Variants in TBL3 observed in about 807,000 individuals in gnomAD.
TBL3 encodes the protein transducin beta-like protein 3.
A neutral mutation model predicts 102.7 loss-of-function variants in TBL3; 71 were observed. That is an observed-to-expected ratio of 0.69 (90% CI 0.57 to 0.84). The LOEUF (loss-of-function observed/expected upper bound fraction) is 0.84. TBL3 is among the 40% of genes least tolerant of loss of function. TBL3 has a pLI of 0.00. For missense variants in TBL3, 1,188 were observed against 1,098.5 expected, an observed-to-expected ratio of 1.08 and a Z score of -1.15; for synonymous variants, 578 against 477.7, an observed-to-expected ratio of 1.21 and a Z score of -2.74.
Position 1,974,646 on chromosome 16 carries a change from G to A in TBL3, c.346G>A (p.Ala116Thr). Residue 116 changes from alanine (A) to threonine (T), a missense_variant, in exon 5 of 22, where the codon GCC becomes ACC. Transcript: ENST00000568546. The stretch of plus-strand genomic sequence containing the variant: ...ACACACGGCCCCCGTGGCCACCATG[G>A]CCTTCGACCCCACCTCCACTCTGCT... ...AIHTAPVATM[A>T]FDPTSTLLAT... 7 of 1,609,192 alleles carry A rather than the reference G, an allele frequency of 4.4e-6. No homozygotes were observed. Among genetic ancestry groups the A allele is most frequent in the Non-Finnish European group, 5.9e-6 (7 of 1,176,984 alleles).
chr16:1,975,284 G>C (rs542687367), intron 8 of TBL3, 22 bp downstream of exon 8: 2 of 1,613,882 alleles, frequency 1.2e-6, no homozygotes, highest in South Asian at 2.2e-5. Flanking sequence ...TGGAGGCCAG[G>C]GCTGGTTGAG....
Position 1,975,674 on chromosome 16 carries a change from G to A in TBL3, c.951G>A (p.Leu317=). ...CCGCCACCGCCGACCACAACCTGTTGCTCTACGAGGCTCGCTCCCTGCGGC... is the reference window on the plus strand; with the variant it reads ...CCGCCACCGCCGACCACAACCTGTTACTCTACGAGGCTCGCTCCCTGCGGC... The part of the protein sequence containing the change: ...VLTATADHNL[L]LYEARSLRLQ... The change falls in exon 10 of 22, where the codon TTG becomes TTA. Residue 317 remains leucine (L), a synonymous_variant. Coordinates refer to ENST00000568546, the MANE Select transcript of TBL3 (RefSeq NM_006453.3). The A allele has an allele frequency of 6.2e-7, 1 of 1,610,008 alleles. No individual in the cohort carries two copies.
chr16:1,978,213 C>A lies in TBL3; in HGVS notation c.2127C>A (p.Asp709Glu). The A allele has an allele frequency of 6.2e-7, 1 of 1,612,872 alleles. No individual in the cohort carries two copies. Among genetic ancestry groups the A allele is most frequent in the Non-Finnish European group, 8.5e-7 (1 of 1,179,952 alleles). The change falls in exon 20 of 22, where the codon GAC becomes GAA. Residue 709 changes from aspartate (D) to glutamate (E), a missense_variant. Physicochemically the swap from Asp to Glu is conservative, Grantham distance 45. Coordinates refer to ENST00000568546, the MANE Select transcript of TBL3 (RefSeq NM_006453.3). ...LEATMLRLRR[D>E]QKEALLRFCV... ...CCACCATGCTCCGACTGCGGCGCGA[C>A]CAGAAAGGTTGGCGGCCAGTCAGGG...
chr16:1,980,154 C>T lies in TBL3; in HGVS notation c.*1469C>T. On this transcript the variant is annotated 3_prime_UTR_variant, in exon 22 of 22. Transcript: ENST00000568546. ...GGCCCGCAGCGCGAGAAAGAGGCTG[C>T]TCCTCTGGGGTGGGCAGGATCACCC... 6.2e-7 allele frequency: 1 copy of T among 1,604,698 alleles called. No individual in the cohort carries two copies. Among genetic ancestry groups the T allele is most frequent in the Non-Finnish European group, 8.5e-7 (1 of 1,178,062 alleles).
chr16:1,977,465 T>TGGGGGGGGGG, intron 16 of TBL3, 39 bp downstream of exon 16: 1 of 578,982 alleles, frequency 1.7e-6, no homozygotes, highest in Admixed American at 2.5e-5. Context: ...GAGTGGGGGG[T>TGGGGGGGGGG]GGCGGGGGGA....
Position 1,979,841 on chromosome 16 carries a change from C to T in TBL3, c.*1156C>T, listed in dbSNP as rs200426342. On this transcript the variant is annotated 3_prime_UTR_variant, in exon 22 of 22. Transcript: ENST00000568546. ...TCCCGGCCTTGGCCCGGGGCCGCCT[C>T]CTCCAGGTAGGGCGCTGGAAACCAG... 1.6e-4 allele frequency: 252 copies of T among 1,578,434 alleles called. No individual in the cohort carries two copies. In the African/African-American group the frequency reaches 2.8e-3, roughly 18 times the overall value.
At position 1,974,759 on chromosome 16, in the gene TBL3, G is replaced by A. The variant is rs757304556; in HGVS notation, c.380-4G>A. On this transcript the variant is annotated splice_region_variant and splice_polypyrimidine_tract_variant and intron_variant, in intron 5 of 21. Transcript: ENST00000568546. ...TTCCACCCCCTCACCTTGCTTCCCC[G>A]CAGGTGGCTGTGATGGGGCCGTGCG... is the stretch of plus-strand genomic sequence containing the variant. 33 of 1,612,342 alleles carry A rather than the reference G, an allele frequency of 2.0e-5. No individual in the cohort carries two copies. Among genetic ancestry groups the A allele is most frequent in the African/African-American group, 8.0e-5 (6 of 74,934 alleles).
At chr16:1,976,348 G>A (rs757305801) in intron 13 of TBL3, 34 bp downstream of exon 13, 1 of 1,580,158 alleles carries the variant, frequency 6.3e-7, no homozygotes, top group Non-Finnish European at 8.6e-7. Context: ...GGGGTGTCAG[G>A]GAGGTGGAGG....
In TBL3 at chr16:1,978,780, C is replaced by G. The variant is rs890141807; in HGVS notation, c.*95C>G. The G allele has an allele frequency of 5.6e-6, 8 of 1,440,174 alleles. No individual in the cohort carries two copies. Among genetic ancestry groups the G allele is most frequent in the South Asian group, 2.6e-5 (2 of 76,748 alleles). The allele number at this position is 1,440,174 out of a possible 1,614,324, so 89.2% of individuals were successfully genotyped here. On this transcript the variant is annotated 3_prime_UTR_variant, in exon 22 of 22. Transcript: ENST00000568546. Reference sequence around the variant, plus strand: ...TCTGTCTCTCTGGACTGCAGTCCAGCCCCCCACCCTGGCCAACACCCTACC... The same window carrying G: ...TCTGTCTCTCTGGACTGCAGTCCAGGCCCCCACCCTGGCCAACACCCTACC...
chr16:1,978,213 C>G lies in TBL3; in HGVS notation c.2127C>G (p.Asp709Glu). 1.2e-6 allele frequency: 2 copies of G among 1,612,872 alleles called. No homozygotes were observed. The highest frequency in any genetic ancestry group is 2.2e-5 in the East Asian group (1 of 44,882). The change falls in exon 20 of 22, where the codon GAC becomes GAG. Residue 709 changes from aspartate to glutamate, a missense_variant. Asp to Glu is a conservative substitution (Grantham distance 45). Transcript: ENST00000568546. Reference sequence around the variant, plus strand: ...CCACCATGCTCCGACTGCGGCGCGACCAGAAAGGTTGGCGGCCAGTCAGGG... The same window carrying G: ...CCACCATGCTCCGACTGCGGCGCGAGCAGAAAGGTTGGCGGCCAGTCAGGG... The part of the protein sequence containing the change: ...LEATMLRLRR[D>E]QKEALLRFCV...
Position 1,981,026 on chromosome 16 carries a change from GA to G in TBL3, c.*2342del, listed in dbSNP as rs756040464. Reference sequence around the variant, plus strand: ...GCACAGAGAAGGCAAACGTCTGGGGGACAAAAAGTTGGGAGTGCCGTGGAGG... The same window carrying G: ...GCACAGAGAAGGCAAACGTCTGGGGGCAAAAAGTTGGGAGTGCCGTGGAGG... On this transcript the variant is annotated 3_prime_UTR_variant, in exon 22 of 22. Transcript: ENST00000568546. 1.2e-6 allele frequency: 2 copies of G among 1,613,296 alleles called. No homozygotes were observed. Among genetic ancestry groups the G allele is most frequent in the Non-Finnish European group, 1.7e-6 (2 of 1,179,910 alleles).
At position 1,979,155 on chromosome 16, in the gene TBL3, C is replaced by T. The variant is rs1396175008; in HGVS notation, c.*470C>T. 6.8e-7 allele frequency: 1 copy of T among 1,460,820 alleles called. No homozygotes were observed. Among genetic ancestry groups the T allele is most frequent in the Admixed American group, 2.8e-5 (1 of 35,388 alleles). The allele number at this position is 1,460,820 out of a possible 1,614,324, so 90.5% of individuals were successfully genotyped here. ...GGCCCTGCGTGTGACGGTGCAGCAGCGGCTCTGGATGGCGCCCGGCGAAGG... is the reference window on the plus strand; with the variant it reads ...GGCCCTGCGTGTGACGGTGCAGCAGTGGCTCTGGATGGCGCCCGGCGAAGG... On this transcript the variant is annotated 3_prime_UTR_variant, in exon 22 of 22. Coordinates refer to ENST00000568546, the MANE Select transcript of TBL3 (RefSeq NM_006453.3).
At chr16:1,976,704 G>A in intron 13 of TBL3, 110 bp from the exon 14 acceptor site, 2 of 1,375,436 alleles carry the variant, frequency 1.5e-6, no homozygotes, top group South Asian at 2.6e-5. Context: ...CGCATCCTGG[G>A]ACAGGCCCCG....
intron 1 of TBL3, among the ~76,000 whole-genome samples, chr16:1,973,137 AG>A (rs1238458942): frequency 6.6e-6 from 1 of 152,186 alleles, no homozygotes. Context: ...ACCTGGCAGC[AG>A]GGTTAAGAGG....
Position 1,980,044 on chromosome 16 carries a change from T to C in TBL3, c.*1359T>C. On this transcript the variant is annotated 3_prime_UTR_variant, in exon 22 of 22. Transcript: ENST00000568546. ...GTCCAGGCTCTCCTGGGCCTGCGCC[T>C]GAAAAGGCCTATCCCGCGTGTCCTG... The C allele has an allele frequency of 6.2e-7, 1 of 1,606,842 alleles. No homozygotes were observed. Among genetic ancestry groups the C allele is most frequent in the Non-Finnish European group, 8.5e-7 (1 of 1,178,026 alleles).
In TBL3 at chr16:1,974,571, G is replaced by A; in HGVS notation, c.271G>A (p.Ala91Thr). 6.2e-7 allele frequency: 1 copy of A among 1,610,682 alleles called. No individual in the cohort carries two copies. The highest frequency in any genetic ancestry group is 1.1e-5 in the South Asian group (1 of 90,904). ...LVTASRALLL[A>T]QWAWQEGSVT... ...GACAGCCAGTCGGGCATTGCTGCTG[G>A]CTCAGTGGGCCTGGCAAGAGGGCAG... Residue 91 changes from alanine to threonine, a missense_variant, in exon 5 of 22, where the codon GCT (alanine) becomes ACT (threonine). Transcript: ENST00000568546.
intron 13 of TBL3, 28 bp from the exon 14 acceptor site, chr16:1,976,786 T>A (rs565999201): frequency 2.5e-6 from 4 of 1,611,324 alleles, no homozygotes; most frequent in Non-Finnish European, 3.4e-6. Flanking sequence ...GGCTCAGCTG[T>A]GTCTCCTCCT....
chr16:1,974,417 C>G lies in TBL3; in HGVS notation c.231C>G (p.Asp77Glu). The change falls in exon 4 of 22, where the codon GAC becomes GAG. Residue 77 changes from aspartate (D) to glutamate (E), a missense_variant. Transcript: ENST00000568546. ...TCACTGCCTTTGACCTCAGCCCTGA[C>G]AACGAGGTATGTGGGGCGGGGCCTG... ...EDITAFDLSP[D>E]NEVLVTASRA... is the part of the protein sequence containing the mutation. 6.2e-7 allele frequency: 1 copy of G among 1,609,756 alleles called. No individual in the cohort carries two copies. Among genetic ancestry groups the G allele is most frequent in the Non-Finnish European group, 8.5e-7 (1 of 1,177,822 alleles).
chr16:1,978,512 G>C (rs778420815), intron 21 of TBL3, 40 bp from the exon 22 acceptor site: 5 of 1,588,812 alleles, frequency 3.1e-6, no homozygotes, highest in Admixed American at 3.4e-5. Context: ...CCTGGTGGGC[G>C]TGTGGACCAC....
Sources: gnomAD v4.1 joint callset for allele counts (sites outside exome capture counted in the v4.1 genomes callset) on GRCh38, gnomAD v4.1.1 for gene constraint, MANE v1.5 for transcripts, NCBI Gene and HGNC (gene_info 2026-07-23, HGNC 2026-07-21) for gene names.